The following CIZ1 variants were observed in gnomAD, a reference collection of about 807,000 sequenced individuals.
The protein encoded by CIZ1 is CDKN1A interacting zinc finger protein 1.
Under a neutral mutation model 118.6 loss-of-function variants are expected in CIZ1, and 58 were observed. The observed-to-expected ratio is 0.49, with a 90% CI of 0.40 to 0.61. CIZ1 has a LOEUF of 0.61. Ranked by LOEUF, CIZ1 falls within the 20% of genes least tolerant of loss-of-function variation. The pLI is 0.00. For missense variants in CIZ1, 921 were observed against 1,115.9 expected (o/e 0.83, Z 2.49); for synonymous variants, 448 against 443.4 (o/e 1.01, Z -0.13).
At chr9:128,191,898 G>C (rs866938312), upstream of CIZ1, 1 of 1,443,802 alleles carries the variant, frequency 6.9e-7, no homozygotes. This position sits in a 1 kb window ranked among gnomAD's most constrained non-coding sequence, Gnocchi z 5.5. Context: ...GGCCCCGCGC[G>C]GGGCTGCGGT....
At chr9:128,167,940 C>T (rs952638410) in intron 14 of CIZ1, among the ~76,000 whole-genome samples, 3 of 152,212 alleles carry the variant, frequency 2.0e-5, no homozygotes, top group African/African-American at 7.2e-5. Context: ...TCAGAGAGGC[C>T]AAGTGGCTTG....
rs1297593802 is a variant in CIZ1, at chr9:128,166,336, C to T, written c.2558G>A (p.Arg853Gln). 14 of 1,565,534 alleles carry T rather than the reference C, an allele frequency of 8.9e-6. No homozygotes were observed. Among genetic ancestry groups the T allele is most frequent in the Non-Finnish European group, 8.7e-6 (10 of 1,154,708 alleles). The change falls in exon 17 of 17, where the codon CGG (arginine) becomes CAG (glutamine). Residue 853 changes from arginine to glutamine, a missense_variant. Transcript: ENST00000372938. The surrounding 1 kb of genome is among the most constrained non-coding windows in gnomAD (Gnocchi z 4.4). ...PVSRRCAINARNALTALFTSS... is the reference protein window; with the variant it reads ...PVSRRCAINAQNALTALFTSS... ...GGTGAACAGGGCTGTCAAAGCGTTC[C>T]GGGCGTTGATTGCGCACCGGCGGCT...
At chr9:128,183,868 T>A (rs1293960492) in intron 5 of CIZ1, among the ~76,000 whole-genome samples, 1 of 151,990 alleles carries the variant, frequency 6.6e-6, no homozygotes, top group Non-Finnish European at 1.5e-5. Context: ...CAGGTTCAAG[T>A]GATTCTCCTA....
chr9:128,177,794 C>G (rs1212381455), intron 9 of CIZ1, 31 bp from the exon 10 acceptor site: 1 of 1,471,284 alleles, frequency 6.8e-7, no homozygotes, highest in Admixed American at 2.1e-5. Context: ...GAACTTCCAT[C>G]AACTGTGTAC....
At chr9:128,192,014 G>T, upstream of CIZ1, 2 of 991,768 alleles carry the variant, frequency 2.0e-6, no homozygotes, top group Non-Finnish European at 2.7e-6. Context: ...CCACGGAGGG[G>T]TGGAGGGAGA....
intron 11 of CIZ1, among the ~76,000 whole-genome samples, chr9:128,175,276 C>A (rs1264229996): frequency 6.6e-6 from 1 of 152,182 alleles, no homozygotes; most frequent in Non-Finnish European, 1.5e-5. Flanking sequence ...CAGTCCCCTA[C>A]TTTCGAGTAT....
At chr9:128,172,147 CAAAAAAA>C (rs58895140) in intron 11 of CIZ1, among the ~76,000 whole-genome samples, 29 of 69,162 alleles carry the variant, frequency 4.2e-4, no homozygotes, top group African/African-American at 1.9e-3. Flanking sequence ...GACACTGTCT[CAAAAAAA>C]AAAAAAAAAA....
chr9:128,169,374 G>A, intron 13 of CIZ1, 32 bp downstream of exon 13: 1 of 1,572,728 alleles, frequency 6.4e-7, no homozygotes, highest in Non-Finnish European at 8.7e-7. Flanking sequence ...GTACCTCTCT[G>A]GGCCCATGTC....
intron 3 of CIZ1, among the ~76,000 whole-genome samples, 175 bp from the exon 4 acceptor site, chr9:128,188,109 G>GAAAAAAAAAA (rs1832662764): frequency 6.4e-5 from 1 of 15,594 alleles, no homozygotes; most frequent in Non-Finnish European, 2.0e-4. Context: ...GCAAAAGAAA[G>GAAAAAAAAAA]AAAAAAGCAA....
chr9:128,179,914 C>T lies in CIZ1; in HGVS notation c.792-499G>A, dbSNP rs368083005. ...CTCAAACTCCCAACCTCAGGTGATC[C>T]GCCCGCCTCAGCCTCCCAAAGTGCT... On this transcript the variant is annotated intron_variant, in intron 7 of 16. Transcript: ENST00000372938. Among the ~76,000 whole-genome samples the T allele has an allele frequency of 1.3e-4, 20 of 151,344 alleles. No individual in the cohort carries two copies. In the East Asian group the frequency reaches 1.4e-3, roughly 10 times the overall value.
Position 128,166,653 on chromosome 9 carries a change from G to A in CIZ1, c.2487+106C>T, listed in dbSNP as rs1829464415. ...CTGTTGGTGCAGGGGTGGTGCCTGG[G>A]GATTGAGGCCCTGCACAAGAGGGAG... On this transcript the variant is annotated intron_variant, in intron 16 of 16. Transcript: ENST00000372938. The surrounding 1 kb of genome is among the most constrained non-coding windows in gnomAD (Gnocchi z 4.4). 10 of 1,415,516 alleles carry A rather than the reference G, an allele frequency of 7.1e-6. No homozygotes were observed. The South Asian group carries it at 7.3e-5, about 10-fold the overall frequency. 87.7% of individuals were successfully genotyped at this position (1,415,516 alleles called of 1,614,324 possible). A position where few individuals can be genotyped will look rare whatever the true frequency, so the allele number is the denominator to read the frequency against.
chr9:128,177,930 G>A (rs1032602183), intron 9 of CIZ1, among the ~76,000 whole-genome samples, 167 bp from the exon 10 acceptor site: 1 of 152,170 alleles, frequency 6.6e-6, no homozygotes, highest in African/African-American at 2.4e-5. Context: ...AGAAAGCACT[G>A]CAGTCAGGAT....
chr9:128,190,893 G>T (rs1271861690), intron 1 of CIZ1, 31 bp from the exon 2 acceptor site: 1 of 1,514,884 alleles, frequency 6.6e-7, no homozygotes. Flanking sequence ...GAGGCAAGGG[G>T]TCCCCACCAT....
intron 12 of CIZ1, 57 bp downstream of exon 12, chr9:128,169,963 T>C (rs966917109): frequency 1.1e-5 from 17 of 1,492,330 alleles, no homozygotes; most frequent in Middle Eastern, 1.7e-4. Context: ...CTGTGTTGTC[T>C]GGACTCCACT....
chr9:128,198,698 G>A (rs975938167), intron 1 of CIZ1, among the ~76,000 whole-genome samples: 2 of 152,102 alleles, frequency 1.3e-5, no homozygotes, highest in African/African-American at 4.8e-5. Context: ...CAGGTGTGGT[G>A]GTGAGTGCCT....
At chr9:128,177,528 G>GGC in intron 10 of CIZ1, 38 bp downstream of exon 10, 1 of 1,164,646 alleles carries the variant, frequency 8.6e-7, no homozygotes. Context: ...TTCCACGCAG[G>GGC]CCCCACCCCT....
intron 11 of CIZ1, among the ~76,000 whole-genome samples, chr9:128,170,447 A>T (rs138704035): frequency 7.4e-4 from 113 of 152,344 alleles, no homozygotes; most frequent in African/African-American, 2.4e-3. Context: ...GTAAGAATTC[A>T]GCTTCGCCAG....
At chr9:128,195,745 T>A (rs1214608776), upstream of CIZ1, among the ~76,000 whole-genome samples, 2 of 152,218 alleles carry the variant, frequency 1.3e-5, no homozygotes, top group Non-Finnish European at 2.9e-5. Flanking sequence ...CCCCTCATAG[T>A]GCAAGCCCCT....
At chr9:128,182,475 G>A (rs1267394428) in intron 5 of CIZ1, among the ~76,000 whole-genome samples, 1 of 152,108 alleles carries the variant, frequency 6.6e-6, no homozygotes, top group African/African-American at 2.4e-5. Context: ...AGCTGATCAT[G>A]TCTCTTCTTC....
Sources: allele counts gnomAD v4.1 joint callset (sites outside exome capture counted in the v4.1 genomes callset), GRCh38; gene constraint gnomAD v4.1.1; non-coding constraint Gnocchi (gnomAD v3.1); transcripts MANE v1.5; gene names NCBI Gene and HGNC (gene_info 2026-07-23, HGNC 2026-07-21).